Variants in RGS6 observed in about 807,000 individuals in gnomAD.
RGS6 encodes the protein regulator of G protein signaling 6.
In RGS6, 30 loss-of-function variants were observed where a neutral mutation model predicts 78.5. The observed-to-expected ratio is 0.38, with a 90% confidence interval of 0.29 to 0.52. The LOEUF is 0.52. RGS6 is among the 20% of genes least tolerant of loss of function. The pLI, the probability that RGS6 is intolerant of heterozygous loss-of-function variation, is 0.85. For synonymous variants in RGS6, 206 were observed against 206.0 expected (o/e 1.00, Z 0.00); for missense variants, 495 against 609.7 (o/e 0.81, Z 1.98).
the RGS6 span, among the ~76,000 whole-genome samples, chr14:72,585,311 C>T: frequency 6.6e-6 from 1 of 152,020 alleles, no homozygotes; most frequent in African/African-American, 2.4e-5. Context: ...CATCTACAGA[C>T]TTCTCAAGCC....
intron 2 of RGS6, among the ~76,000 whole-genome samples, chr14:72,156,488 C>T (rs2096774016): frequency 6.8e-6 from 1 of 146,292 alleles, no homozygotes; most frequent in East Asian, 2.0e-4. Context: ...ATAGTGGTGG[C>T]CAAGGGGTGT....
At chr14:72,004,978 C>T (rs894425908) in intron 2 of RGS6, among the ~76,000 whole-genome samples, 1 of 152,136 alleles carries the variant, frequency 6.6e-6, no homozygotes, top group African/African-American at 2.4e-5. Context: ...AAAGCGAATG[C>T]CTTTTGACAT....
chr14:72,316,079 GT>G (rs2070113055), intron 2 of RGS6, among the ~76,000 whole-genome samples: 1 of 152,274 alleles, frequency 6.6e-6, no homozygotes, highest in Admixed American at 6.5e-5. Flanking sequence ...TTTACCGTTT[GT>G]TGTTCCTTTT....
intron 3 of RGS6, among the ~76,000 whole-genome samples, chr14:72,448,380 C>T (rs1372674019): frequency 1.3e-5 from 2 of 152,216 alleles, no homozygotes; most frequent in African/African-American, 2.4e-5. Flanking sequence ...TGTTTCTCCA[C>T]CTGTGTTCCC....
downstream of RGS6, among the ~76,000 whole-genome samples, chr14:72,568,034 G>A (rs768369392): frequency 1.3e-5 from 2 of 152,164 alleles, no homozygotes; most frequent in Non-Finnish European, 2.9e-5. Flanking sequence ...CTGGGGTGTC[G>A]GGTGTAGCCA....
intron 3 of RGS6, among the ~76,000 whole-genome samples, chr14:72,408,500 C>T (rs1002945443): frequency 6.6e-5 from 10 of 152,164 alleles, no homozygotes; most frequent in East Asian, 3.9e-4. Flanking sequence ...TTGCAAGACA[C>T]ATCTGACTGT....
At chr14:72,001,830 G>C (rs768022247) in intron 2 of RGS6, among the ~76,000 whole-genome samples, 25 of 147,354 alleles carry the variant, frequency 1.7e-4, no homozygotes, top group Non-Finnish European at 3.0e-4. Flanking sequence ...GATAAGAAGT[G>C]TTGTAAGTAC....
intron 2 of RGS6, among the ~76,000 whole-genome samples, chr14:72,330,706 T>C (rs2074816355): frequency 6.6e-6 from 1 of 151,956 alleles, no homozygotes; most frequent in South Asian, 2.1e-4. Context: ...TATTGCATGC[T>C]TGTCAGAATG....
At chr14:72,266,616 G>C (rs904762135) in intron 2 of RGS6, among the ~76,000 whole-genome samples, 1 of 152,208 alleles carries the variant, frequency 6.6e-6, no homozygotes, top group African/African-American at 2.4e-5. Flanking sequence ...AAAAGTGTTG[G>C]AGGAAAGAAA....
At chr14:72,399,885 A>G (rs778899309) in intron 3 of RGS6, among the ~76,000 whole-genome samples, 2 of 152,380 alleles carry the variant, frequency 1.3e-5, no homozygotes, top group Non-Finnish European at 2.9e-5. Context: ...ATATGGGACT[A>G]TGTGTAAAGC....
the RGS6 span, among the ~76,000 whole-genome samples, chr14:72,615,388 A>G: frequency 2.6e-5 from 4 of 152,224 alleles, no homozygotes; most frequent in African/African-American, 9.6e-5. Flanking sequence ...GAAAAGTAAT[A>G]ACAATCATCT....
rs2097707509 is a variant in RGS6, at chr14:72,565,803, G to T, written c.*3336G>T. Reference sequence around the variant, plus strand: ...TGGAAGGTGATGTTTTTCCTAAAATGCATCCCTCCTGTTCTGCTCCATATA... The same window carrying T: ...TGGAAGGTGATGTTTTTCCTAAAATTCATCCCTCCTGTTCTGCTCCATATA... On this transcript the variant is annotated 3_prime_UTR_variant, in exon 18 of 18. Coordinates refer to ENST00000553525, the MANE Select transcript of RGS6 (RefSeq NM_001204424.2). The T allele has an allele frequency of 6.6e-6, 1 of 152,204 alleles. No homozygotes were observed. Among genetic ancestry groups the T allele is most frequent in the Non-Finnish European group, 1.5e-5 (1 of 68,050 alleles). 9.4% of individuals were successfully genotyped at this position (152,204 alleles called of 1,614,324 possible). A position where few individuals can be genotyped will look rare whatever the true frequency, so the allele number is the denominator to read the frequency against.
At chr14:72,469,969 T>C in intron 7 of RGS6, 38 bp from the exon 8 acceptor site, 1 of 1,488,812 alleles carries the variant, frequency 6.7e-7, no homozygotes, top group Non-Finnish European at 9.4e-7. Context: ...TAATTTACGA[T>C]GATTAATGCC....
At chr14:72,372,955 G>A (rs183767145) in intron 3 of RGS6, among the ~76,000 whole-genome samples, 16 of 152,228 alleles carry the variant, frequency 1.1e-4, no homozygotes, top group Admixed American at 2.0e-4. Context: ...AGGCAAATAG[G>A]GCCCATATTG....
At chr14:72,243,736 A>G (rs951586041) in intron 2 of RGS6, among the ~76,000 whole-genome samples, 6 of 150,794 alleles carry the variant, frequency 4.0e-5, no homozygotes, top group Admixed American at 2.0e-4. Context: ...CATTTCCTAC[A>G]TTCTCTAGGA....
At chr14:72,165,061 A>G (rs1319638148) in intron 2 of RGS6, among the ~76,000 whole-genome samples, 3 of 152,206 alleles carry the variant, frequency 2.0e-5, no homozygotes, top group African/African-American at 4.8e-5. Context: ...CACTTACTTC[A>G]TTGGTAGCTC....
Position 72,407,353 on chromosome 14 carries a change from C to T in RGS6, c.185-47175C>T, listed in dbSNP as rs567907373. Reference sequence around the variant, plus strand: ...TCTTGGAGTCTTTATTGGTTGATGTCAATGGAAAGCTCTGCTTCCCTCTGG... The same window carrying T: ...TCTTGGAGTCTTTATTGGTTGATGTTAATGGAAAGCTCTGCTTCCCTCTGG... On this transcript the variant is annotated intron_variant, in intron 3 of 17. Coordinates refer to ENST00000553525, the MANE Select transcript of RGS6 (RefSeq NM_001204424.2). Among the ~76,000 whole-genome samples the T allele has an allele frequency of 7.9e-5, 12 of 152,310 alleles. No individual in the cohort carries two copies. The South Asian group carries it at 2.1e-3, about 26-fold the overall frequency.
rs2084588709 is a variant in RGS6, at chr14:72,006,500, T to C, written c.84+41625T>C. 2.6e-5 allele frequency among the ~76,000 whole-genome samples: 4 copies of C among 152,202 alleles called. 1 individual carries two copies. The South Asian group carries it at 8.3e-4, about 31-fold the overall frequency. Reference sequence around the variant, plus strand: ...AGCTAGCTGTTGTGACGATAGGCAATGTATGCAGAGAGGCTCATGTGGCAA... The same window carrying C: ...AGCTAGCTGTTGTGACGATAGGCAACGTATGCAGAGAGGCTCATGTGGCAA... On this transcript the variant is annotated intron_variant, in intron 2 of 17. Transcript: ENST00000553525.
intron 2 of RGS6, among the ~76,000 whole-genome samples, chr14:72,021,729 C>T (rs954499595): frequency 1.3e-4 from 20 of 152,022 alleles, no homozygotes; most frequent in African/African-American, 4.8e-4. Flanking sequence ...TCCTCGGCCT[C>T]CCATAGTGCT....
Sources: gnomAD v4.1 joint callset for allele counts (sites outside exome capture counted in the v4.1 genomes callset) on GRCh38, gnomAD v4.1.1 for gene constraint, MANE v1.5 for transcripts, NCBI Gene and HGNC (gene_info 2026-07-23, HGNC 2026-07-21) for gene names.